ZNF804A: variants seen among roughly 807,000 people sequenced by gnomAD.
ZNF804A encodes zinc finger protein 804A.
In ZNF804A, 2 loss-of-function variants were observed where a neutral mutation model predicts 16.5. The observed-to-expected ratio is 0.12, with a 90% CI of 0.05 to 0.38. ZNF804A has a LOEUF of 0.38. ZNF804A is among the 10% of genes least tolerant of loss of function. ZNF804A has a pLI of 0.99. For synonymous variants in ZNF804A, 534 were observed against 489.6 expected (o/e 1.09, Z -1.20); for missense variants, 1,473 against 1,390.7 (o/e 1.06, Z -0.94).
chr2:184,879,700 G>A (rs1012464132), intron 2 of ZNF804A, among the ~76,000 whole-genome samples: 2 of 151,998 alleles, frequency 1.3e-5, no homozygotes, highest in Non-Finnish European at 2.9e-5. Flanking sequence ...TTTTGGTACT[G>A]ACACACATCT....
At chr2:184,897,618 T>A (rs1257219075) in intron 2 of ZNF804A, among the ~76,000 whole-genome samples, 2 of 152,122 alleles carry the variant, frequency 1.3e-5, no homozygotes, top group Non-Finnish European at 2.9e-5. Context: ...GGGAATTTGA[T>A]CTTTCTCCAA....
At chr2:184,768,353 C>A (rs1174184954) in intron 1 of ZNF804A, among the ~76,000 whole-genome samples, 1 of 151,970 alleles carries the variant, frequency 6.6e-6, no homozygotes, top group East Asian at 1.9e-4. Context: ...CACTATACTG[C>A]AATGTTTTAA....
At chr2:184,914,296 A>G (rs1006735392) in intron 2 of ZNF804A, among the ~76,000 whole-genome samples, 1 of 152,166 alleles carries the variant, frequency 6.6e-6, no homozygotes, top group Non-Finnish European at 1.5e-5. Flanking sequence ...TCCAAGTTAC[A>G]GTTTAATTGC....
intron 1 of ZNF804A, among the ~76,000 whole-genome samples, chr2:184,864,411 T>C (rs923853852): frequency 7.9e-5 from 12 of 152,154 alleles, no homozygotes; most frequent in African/African-American, 2.7e-4. Context: ...ACCTCCAGCA[T>C]TGAAAATCAC....
intron 1 of ZNF804A, among the ~76,000 whole-genome samples, chr2:184,829,252 A>G (rs1695221119): frequency 6.6e-6 from 1 of 151,900 alleles, no homozygotes; most frequent in African/African-American, 2.4e-5. Flanking sequence ...AGCTAGCCTA[A>G]TTAATAATTT....
chr2:184,691,735 CTA>C (rs1209882532), intron 1 of ZNF804A, among the ~76,000 whole-genome samples: 1 of 151,536 alleles, frequency 6.6e-6, no homozygotes, highest in African/African-American at 2.4e-5. Flanking sequence ...AAGAAAATTT[CTA>C]TGTCTTTCTA....
chr2:184,783,362 T>C (rs1414622836), intron 1 of ZNF804A, among the ~76,000 whole-genome samples: 1 of 151,732 alleles, frequency 6.6e-6, no homozygotes, highest in Non-Finnish European at 1.5e-5. Context: ...TTTGTTAAAG[T>C]ACATTTTAAG....
rs1224723836 is a variant in ZNF804A, at chr2:184,624,270, AATTTT to A, written c.111+25203_111+25207del. The stretch of plus-strand genomic sequence containing the variant: ...TACACTTAAAATGGTAAAAATGGTA[AATTTT>A]ATGCTATATTTTACCACAATAAAAA... On this transcript the variant is annotated intron_variant, in intron 1 of 3. Coordinates refer to ENST00000302277, the MANE Select transcript of ZNF804A (RefSeq NM_194250.2). 2.0e-5 allele frequency among the ~76,000 whole-genome samples: 3 copies of A among 152,294 alleles called. No individual in the cohort carries two copies. The East Asian group carries it at 5.8e-4, about 29-fold the overall frequency.
chr2:184,717,992 T>C (rs989925374), intron 1 of ZNF804A, among the ~76,000 whole-genome samples: 3 of 151,954 alleles, frequency 2.0e-5, no homozygotes, highest in African/African-American at 7.3e-5. Context: ...GAGAAAAAAA[T>C]AAAAGGCACC....
At chr2:184,626,644 A>G (rs2105683655) in intron 1 of ZNF804A, among the ~76,000 whole-genome samples, 1 of 152,276 alleles carries the variant, frequency 6.6e-6, no homozygotes, top group East Asian at 1.9e-4. Flanking sequence ...AAATTTAGAA[A>G]TGATATGTCT....
chr2:184,886,903 G>A (rs1358609851), intron 2 of ZNF804A, among the ~76,000 whole-genome samples: 2 of 152,200 alleles, frequency 1.3e-5, no homozygotes, highest in Non-Finnish European at 1.5e-5. Context: ...ACATGGCCTG[G>A]AGATATTTTC....
intron 1 of ZNF804A, among the ~76,000 whole-genome samples, chr2:184,655,674 C>T (rs938709439): frequency 1.3e-5 from 2 of 151,664 alleles, no homozygotes; most frequent in African/African-American, 2.4e-5. Context: ...GAATGGAATT[C>T]TCTAGAGGTT....
At chr2:184,607,383 A>G (rs1476979429) in intron 1 of ZNF804A, among the ~76,000 whole-genome samples, 1 of 152,200 alleles carries the variant, frequency 6.6e-6, no homozygotes, top group Non-Finnish European at 1.5e-5. Context: ...CAGAAAACTT[A>G]CAATCATGGC....
chr2:184,775,534 T>C (rs969557485), intron 1 of ZNF804A, among the ~76,000 whole-genome samples: 3 of 151,738 alleles, frequency 2.0e-5, no homozygotes, highest in African/African-American at 4.8e-5. Context: ...CTATCTTACA[T>C]GAATGTCATA....
At chr2:184,693,092 A>T (rs979404270) in intron 1 of ZNF804A, among the ~76,000 whole-genome samples, 10 of 152,284 alleles carry the variant, frequency 6.6e-5, no homozygotes, top group Middle Eastern at 3.4e-3. Flanking sequence ...GGAAGTGCAG[A>T]AATCATTCAT....
intron 2 of ZNF804A, among the ~76,000 whole-genome samples, chr2:184,929,888 C>A (rs1007776255): frequency 1.3e-5 from 2 of 152,046 alleles, no homozygotes; most frequent in African/African-American, 4.8e-5. Context: ...TACCAAGTAG[C>A]TGTATTTAGG....
At position 184,626,793 on chromosome 2, in the gene ZNF804A, T is replaced by C. The variant is rs183676670; in HGVS notation, c.111+27723T>C. 5.9e-5 allele frequency among the ~76,000 whole-genome samples: 9 copies of C among 152,302 alleles called. No homozygotes were observed. The East Asian group carries it at 1.5e-3, about 26-fold the overall frequency. ...ATAGAATCAAATTGTAATACCAACA[T>C]GTTAATTTTTTCTTCAAAATTGTCA... On this transcript the variant is annotated intron_variant, in intron 1 of 3. Coordinates refer to ENST00000302277, the MANE Select transcript of ZNF804A (RefSeq NM_194250.2).
chr2:184,749,956 G>C (rs1693854297), intron 1 of ZNF804A, among the ~76,000 whole-genome samples: 1 of 151,154 alleles, frequency 6.6e-6, no homozygotes, highest in African/African-American at 2.4e-5. Flanking sequence ...ACATTTTAGT[G>C]GGATTTGCAT....
chr2:184,870,901 G>A (rs892108638), intron 2 of ZNF804A, among the ~76,000 whole-genome samples: 4 of 151,604 alleles, frequency 2.6e-5, no homozygotes, highest in African/African-American at 9.7e-5. Context: ...GATAATAATA[G>A]CAACAATTTA....
Sources: gnomAD v4.1 joint callset for allele counts (sites outside exome capture counted in the v4.1 genomes callset) on GRCh38, gnomAD v4.1.1 for gene constraint, MANE v1.5 for transcripts, NCBI Gene and HGNC (gene_info 2026-07-23, HGNC 2026-07-21) for gene names.